TMPRSS2: variants seen among roughly 807,000 people sequenced by gnomAD.
The protein encoded by TMPRSS2 is transmembrane protease serine 2.
TMPRSS2 carries 59 observed loss-of-function variants against 67.4 expected under a neutral mutation model. The ratio of observed to expected loss-of-function variants is 0.88; its 90% CI spans 0.71 to 1.09. TMPRSS2 has a LOEUF of 1.09. TMPRSS2 is among the 50% of genes least tolerant of loss of function. TMPRSS2 has a pLI of 0.00. For synonymous variants in TMPRSS2, 257 were observed against 257.0 expected (o/e 1.00, Z 0.00); for missense variants, 668 against 642.7 (o/e 1.04, Z -0.43).
intron 13 of TMPRSS2, among the ~76,000 whole-genome samples, chr21:41,466,696 C>T (rs148910500): frequency 2.6e-5 from 4 of 152,354 alleles, no homozygotes; most frequent in Non-Finnish European, 4.4e-5. Context: ...ACAGGTCGGG[C>T]CTCAGCGGGA....
At chr21:41,476,517 T>A in intron 8 of TMPRSS2, 60 bp downstream of exon 8, 1 of 1,551,776 alleles carries the variant, frequency 6.4e-7, no homozygotes, top group Middle Eastern at 1.7e-4. Flanking sequence ...AGTACTGTTC[T>A]GAAAGTAGAG....
chr21:41,505,605 G>T (rs763990290), intron 1 of TMPRSS2, among the ~76,000 whole-genome samples: 1 of 152,176 alleles, frequency 6.6e-6, no homozygotes, highest in African/African-American at 2.4e-5. Context: ...TACTGCTAGA[G>T]GGAGCAGCAC....
chr21:41,506,653 C>G (rs771535365), intron 1 of TMPRSS2: 2 of 152,346 alleles, frequency 1.3e-5, no homozygotes, highest in Non-Finnish European at 2.9e-5. Flanking sequence ...CTGGTAAACT[C>G]TCCCTGCCAC....
Position 41,494,556 on chromosome 21 carries a change from G to A in TMPRSS2, c.38C>T (p.Pro13Leu), listed in dbSNP as rs2146484304. 1 of 1,613,438 alleles carries A rather than the reference G, an allele frequency of 6.2e-7. No individual in the cohort carries two copies. Among genetic ancestry groups the A allele is most frequent in the Non-Finnish European group, 8.5e-7 (1 of 1,179,876 alleles). ...TTGGTATCCATGGTTTTCATAGTAA[G>A]GTCCAATAGCTGGTGGTGACCCCTA... ...LNSGSPPAIG[P>L]YYENHGYQPE... The change falls in exon 3 of 14, where the codon CCT (proline) becomes CTT (leucine). Residue 13 changes from proline (P) to leucine (L), a missense_variant. Transcript: ENST00000332149.
At chr21:41,485,465 T>C (rs1399911584) in intron 5 of TMPRSS2, among the ~76,000 whole-genome samples, 2 of 151,790 alleles carry the variant, frequency 1.3e-5, no homozygotes, top group Non-Finnish European at 2.9e-5. Context: ...CTGGACAACA[T>C]TGATGAAACC....
chr21:41,503,971 C>A (rs374651292), intron 1 of TMPRSS2, among the ~76,000 whole-genome samples: 1 of 152,200 alleles, frequency 6.6e-6, no homozygotes. Flanking sequence ...CTGAGTGCCC[C>A]GCCAGGACAG....
At position 41,471,998 on chromosome 21, in the gene TMPRSS2, A is replaced by T; in HGVS notation, c.900-17T>A. On this transcript the variant is annotated splice_polypyrimidine_tract_variant and intron_variant, in intron 9 of 13. Coordinates refer to ENST00000332149, the MANE Select transcript of TMPRSS2 (RefSeq NM_005656.4). The stretch of plus-strand genomic sequence containing the variant: ...TTAAGAGGTCTGGGAGAGAAGAAGG[A>T]CTCAGTATCTCAGAGCCATAAACAC... 6.3e-7 allele frequency: 1 copy of T among 1,578,226 alleles called. No homozygotes were observed. Among genetic ancestry groups the T allele is most frequent in the Non-Finnish European group, 8.6e-7 (1 of 1,157,468 alleles).
intron 13 of TMPRSS2, among the ~76,000 whole-genome samples, chr21:41,467,086 T>C (rs971570197): frequency 6.6e-6 from 1 of 152,158 alleles, no homozygotes. Context: ...CTGCTCTCTA[T>C]AAATCAAAAG....
intron 13 of TMPRSS2, among the ~76,000 whole-genome samples, chr21:41,467,110 C>T (rs563352095): frequency 1.6e-4 from 24 of 152,272 alleles, no homozygotes; most frequent in South Asian, 6.2e-4. Flanking sequence ...CATGTGAGGC[C>T]GGGCACCGTG....
intron 12 of TMPRSS2, 101 bp from the exon 13 acceptor site, chr21:41,467,987 T>A: frequency 7.4e-7 from 1 of 1,345,930 alleles, no homozygotes; most frequent in Admixed American, 1.8e-5. Flanking sequence ...GGTCGCAGTG[T>A]GAGTTACGAG....
rs746532729 is a variant in TMPRSS2, at chr21:41,494,466, T to C, written c.128A>G (p.Gln43Arg). Residue 43 changes from glutamine to arginine, a missense_variant, in exon 3 of 14, where the codon CAG (glutamine) becomes CGG (arginine). By Grantham distance (43) the Gln-to-Arg change is conservative (BLOSUM62 1). Transcript: ENST00000332149. Reference protein sequence around the residue: ...VPTVYEVHPAQYYPSPVPQYA... With the variant: ...VPTVYEVHPARYYPSPVPQYA... ...CTGGGGCACGGGGGACGGGTAGTACTGAGCCGGATGCACCTCGTAGACAGT... is the reference window on the plus strand; with the variant it reads ...CTGGGGCACGGGGGACGGGTAGTACCGAGCCGGATGCACCTCGTAGACAGT... 1 of 1,614,046 alleles carries C rather than the reference T, an allele frequency of 6.2e-7. No homozygotes were observed. Among genetic ancestry groups the C allele is most frequent in the South Asian group, 1.1e-5 (1 of 91,064 alleles).
At chr21:41,475,197 T>G (rs111220509) in intron 8 of TMPRSS2, among the ~76,000 whole-genome samples, 1,726 of 2,556 alleles carry the variant, frequency 0.68, 620 homozygotes, top group Middle Eastern at 0.83. Context: ...GGGGTGAAGG[T>G]GTGAGTGAGG....
chr21:41,467,035 C>T (rs868143954), intron 13 of TMPRSS2, among the ~76,000 whole-genome samples: 3 of 152,148 alleles, frequency 2.0e-5, no homozygotes, highest in Non-Finnish European at 2.9e-5. Context: ...AGGAGCCACT[C>T]GATGGCCCCA....
chr21:41,500,648 G>C (rs1398730699), intron 1 of TMPRSS2, among the ~76,000 whole-genome samples: 1 of 152,140 alleles, frequency 6.6e-6, no homozygotes, highest in Non-Finnish European at 1.5e-5. Flanking sequence ...ACAAGAACCA[G>C]GTCATGTTGT....
Position 41,466,119 on chromosome 21 carries a change from G to A in TMPRSS2, c.*23C>T, listed in dbSNP as rs527261679. On this transcript the variant is annotated 3_prime_UTR_variant, in exon 14 of 14. Transcript: ENST00000332149. ...CCCCATTGTTTTCTTGTAAAACGAC[G>A]TCAAGGACGAAGACCATGTGGATTA... The A allele has an allele frequency of 1.4e-5, 22 of 1,613,780 alleles. No individual in the cohort carries two copies. The highest frequency in any genetic ancestry group is 6.7e-5 in the Admixed American group (4 of 59,964).
intron 13 of TMPRSS2, among the ~76,000 whole-genome samples, chr21:41,466,920 A>G (rs1217040204): frequency 6.6e-6 from 1 of 152,172 alleles, no homozygotes; most frequent in Non-Finnish European, 1.5e-5. Context: ...AAGCAGAGAC[A>G]TCCATGAGGC....
intron 11 of TMPRSS2, among the ~76,000 whole-genome samples, chr21:41,470,097 C>A (rs1223151180): frequency 3.3e-5 from 5 of 152,200 alleles, no homozygotes; most frequent in Non-Finnish European, 7.3e-5. Context: ...GTAAAATGAA[C>A]CTTTGTGCCT....
At chr21:41,503,682 T>C (rs978409857) in intron 1 of TMPRSS2, among the ~76,000 whole-genome samples, 4 of 152,314 alleles carry the variant, frequency 2.6e-5, no homozygotes, top group Non-Finnish European at 5.9e-5. Flanking sequence ...GGAGCTACCT[T>C]AGAATGTACC....
At chr21:41,486,728 C>T (rs907641036) in intron 5 of TMPRSS2, 2 of 152,338 alleles carry the variant, frequency 1.3e-5, no homozygotes, top group East Asian at 1.9e-4. Flanking sequence ...TAGCACAACC[C>T]TCATACTCAG....
Sources: gnomAD v4.1 joint callset for allele counts (sites outside exome capture counted in the v4.1 genomes callset) on GRCh38, gnomAD v4.1.1 for gene constraint, MANE v1.5 for transcripts, NCBI Gene and HGNC (gene_info 2026-07-23, HGNC 2026-07-21) for gene names.